Variants in NOS1 observed in about 807,000 individuals in gnomAD.
The protein encoded by NOS1 is NOS type I.
In NOS1, 51 loss-of-function variants were observed where a neutral mutation model predicts 164.5. That is an observed-to-expected ratio of 0.31 (90% confidence interval 0.25 to 0.39). The LOEUF (loss-of-function observed/expected upper bound fraction) is 0.39. Among genes scored for constraint, NOS1 ranks in the 10% least tolerant of loss-of-function variants. NOS1 has a pLI of 1.00. For synonymous variants in NOS1, 719 were observed against 745.8 expected (o/e 0.96, Z 0.59); for missense variants, 1,362 against 1,885.6 (o/e 0.72, Z 5.14).
At chr12:117,244,832 C>T (rs546876756) in intron 18 of NOS1, among the ~76,000 whole-genome samples, 4 of 152,146 alleles carry the variant, frequency 2.6e-5, no homozygotes, top group South Asian at 2.1e-4. Context: ...TCCATTCATG[C>T]GAAATGTCCA....
chr12:117,360,629 G>C (rs995830800), intron 1 of NOS1, among the ~76,000 whole-genome samples: 1 of 152,222 alleles, frequency 6.6e-6, no homozygotes, highest in Non-Finnish European at 1.5e-5. Context: ...TTGGAGGCCA[G>C]GCCGGAGCGA....
intron 3 of NOS1, among the ~76,000 whole-genome samples, chr12:117,301,858 G>A (rs2136043353): frequency 6.6e-6 from 1 of 152,332 alleles, no homozygotes; most frequent in South Asian, 2.1e-4. Context: ...AATGGGCACA[G>A]TGCTTCTTAT....
At chr12:117,265,842 G>A (rs1268210344) in intron 11 of NOS1, among the ~76,000 whole-genome samples, 2 of 151,638 alleles carry the variant, frequency 1.3e-5, no homozygotes, top group African/African-American at 4.8e-5. Context: ...CCAGGCTGGA[G>A]TGCAGTGGCG....
At chr12:117,291,046 C>G (rs911021945) in intron 3 of NOS1, among the ~76,000 whole-genome samples, 2 of 152,014 alleles carry the variant, frequency 1.3e-5, no homozygotes, top group African/African-American at 2.4e-5. Context: ...AACCTTGTCT[C>G]TATTAAAAAA....
In NOS1 at chr12:117,268,124, G is replaced by A; in HGVS notation, c.1860C>T (p.Asn620=). Reference sequence around the variant, plus strand: ...GGGAGGACGTCTTCCTCATGTCTAAGTTCATCTTCTTGGCCACTTCCTGAA... The same window carrying A: ...GGGAGGACGTCTTCCTCATGTCTAAATTCATCTTCTTGGCCACTTCCTGAA... The part of the protein sequence containing the change: ...NILEEVAKKM[N]LDMRKTSSLW... The change falls in exon 11 of 29, where the codon AAC becomes AAT. Residue 620 remains asparagine, a synonymous_variant. Coordinates refer to ENST00000317775, the MANE Select transcript of NOS1 (RefSeq NM_000620.5). 1.9e-6 allele frequency: 3 copies of A among 1,613,866 alleles called. No homozygotes were observed. Among genetic ancestry groups the A allele is most frequent in the Non-Finnish European group, 2.5e-6 (3 of 1,179,742 alleles).
chr12:117,246,586 C>T (rs927276545), intron 18 of NOS1, among the ~76,000 whole-genome samples: 30 of 152,090 alleles, frequency 2.0e-4, no homozygotes, highest in African/African-American at 7.0e-4. Flanking sequence ...TTCTCATCAC[C>T]CCCCCAACAC....
chr12:117,209,898 G>A lies in NOS1; in HGVS notation c.*5411C>T. ...ATCCCTGTTCATGGGGAACATCTATGTTGACTCCCTGGGAGGCAGGCCCCT... is the reference window on the plus strand; with the variant it reads ...ATCCCTGTTCATGGGGAACATCTATATTGACTCCCTGGGAGGCAGGCCCCT... On this transcript the variant is annotated 3_prime_UTR_variant, in exon 29 of 29. Transcript: ENST00000317775. 7.1e-6 allele frequency: 7 copies of A among 985,498 alleles called. No homozygotes were observed. The highest frequency in any genetic ancestry group is 8.4e-6 in the Non-Finnish European group (7 of 829,980). 61.0% of individuals were successfully genotyped at this position (985,498 alleles called of 1,614,324 possible).
chr12:117,258,819 G>C (rs963115670), intron 15 of NOS1, among the ~76,000 whole-genome samples: 3 of 152,180 alleles, frequency 2.0e-5, no homozygotes, highest in Non-Finnish European at 4.4e-5. Flanking sequence ...ATTTTCACCA[G>C]GGACTTGCTA....
chr12:117,303,205 C>T (rs1373175863), intron 3 of NOS1, among the ~76,000 whole-genome samples: 1 of 152,244 alleles, frequency 6.6e-6, no homozygotes, highest in African/African-American at 2.4e-5. Flanking sequence ...TTTTGGTTTT[C>T]AGCAAGGCCA....
rs1281063642 is a variant in NOS1 at position 117,286,119 on chromosome 12, C to T, written c.1275G>A (p.Gln425=). Residue 425 remains glutamine, a synonymous_variant, in exon 6 of 29, where the codon CAG becomes CAA. Coordinates refer to ENST00000317775, the MANE Select transcript of NOS1 (RefSeq NM_000620.5). The stretch of plus-strand genomic sequence containing the variant: ...CACCACCTACCTGCAGCTTGGACCA[C>T]TGGATCCTGCCCACACAGCGCGAGG... The part of the protein sequence containing the change: ...RNASRCVGRI[Q]WSKLQVFDAR... The T allele has an allele frequency of 1.2e-6, 2 of 1,614,228 alleles. No individual in the cohort carries two copies. The highest frequency in any genetic ancestry group is 1.1e-5 in the South Asian group (1 of 91,078).
intron 17 of NOS1, 23 bp downstream of exon 17, chr12:117,253,615 G>C: frequency 1.3e-6 from 2 of 1,548,108 alleles, no homozygotes; most frequent in Non-Finnish European, 8.9e-7. Flanking sequence ...CCTGACCCCC[G>C]ACCCCCTTAT....
intron 2 of NOS1, among the ~76,000 whole-genome samples, chr12:117,321,532 C>A (rs1874922574): frequency 6.6e-6 from 1 of 152,092 alleles, no homozygotes. Context: ...ACCCACCTGG[C>A]AAGACGGCAG....
At chr12:117,242,822 G>T in intron 19 of NOS1, 117 bp from the exon 20 acceptor site, 1 of 850,312 alleles carries the variant, frequency 1.2e-6, no homozygotes, top group African/African-American at 1.7e-5. Context: ...AGGCTGAGGT[G>T]GGAGGATCAC....
At chr12:117,217,989 T>A (rs765857390) in intron 28 of NOS1, 57 bp downstream of exon 28, 21 of 1,247,204 alleles carry the variant, frequency 1.7e-5, no homozygotes, top group Non-Finnish European at 2.4e-5. Flanking sequence ...TCCTGCCCAG[T>A]GGGACCTAGA....
intron 3 of NOS1, among the ~76,000 whole-genome samples, chr12:117,296,808 G>A (rs549094390): frequency 2.3e-4 from 35 of 152,274 alleles, no homozygotes; most frequent in Middle Eastern, 6.8e-3. Context: ...TAAGGGTGGG[G>A]CCCTAATCTG....
chr12:117,261,780 T>C (rs544258221), intron 13 of NOS1, among the ~76,000 whole-genome samples: 7 of 152,218 alleles, frequency 4.6e-5, no homozygotes, highest in Non-Finnish European at 1.0e-4. Context: ...GAGTGAGACT[T>C]TGTCTCTACA....
chr12:117,240,799 C>T (rs560777150), intron 20 of NOS1, among the ~76,000 whole-genome samples: 11 of 152,302 alleles, frequency 7.2e-5, no homozygotes, highest in South Asian at 6.2e-4. Context: ...TGGCCAAGGC[C>T]GCACAGCTAG....
intron 1 of NOS1, among the ~76,000 whole-genome samples, chr12:117,337,393 G>C (rs2136081203): frequency 6.6e-6 from 1 of 152,244 alleles, no homozygotes; most frequent in East Asian, 1.9e-4. Flanking sequence ...TGGGATTACA[G>C]GCTTGAGCCA....
intron 14 of NOS1, among the ~76,000 whole-genome samples, 160 bp downstream of exon 14, chr12:117,260,305 T>A (rs913795674): frequency 2.0e-5 from 3 of 152,114 alleles, no homozygotes; most frequent in Non-Finnish European, 4.4e-5. Flanking sequence ...GATATCACAG[T>A]CCCCTGAAAT....
Sources: allele counts gnomAD v4.1 joint callset (sites outside exome capture counted in the v4.1 genomes callset), GRCh38; gene constraint gnomAD v4.1.1; transcripts MANE v1.5; gene names NCBI Gene and HGNC (gene_info 2026-07-23, HGNC 2026-07-21).